The following KRT84 variants were observed in gnomAD, a reference collection of about 807,000 sequenced individuals.
The protein encoded by KRT84 is keratin, type II cuticular Hb4.
Under a neutral mutation model 49.0 loss-of-function variants are expected in KRT84, and 38 were observed. The observed-to-expected ratio is 0.78, with a 90% CI of 0.60 to 1.02. KRT84 has a LOEUF of 1.02. Ranked by LOEUF, KRT84 falls within the 50% of genes least tolerant of loss-of-function variation. KRT84 has a pLI of 0.00. For missense variants in KRT84, 860 were observed against 788.6 expected (o/e 1.09, Z -1.08); for synonymous variants, 334 against 312.8 (o/e 1.07, Z -0.72).
intron 8 of KRT84, among the ~76,000 whole-genome samples, chr12:52,379,393 T>A (rs1939440448): frequency 6.6e-6 from 1 of 152,242 alleles, no homozygotes. Context: ...GGCTGGGTCT[T>A]GCCTTGCCAG....
In KRT84 at chr12:52,378,138, G is replaced by A; in HGVS notation, c.1699C>T (p.Pro567Ser). 1.3e-6 allele frequency: 2 copies of A among 1,563,682 alleles called. No individual in the cohort carries two copies. The highest frequency in any genetic ancestry group is 1.7e-6 in the Non-Finnish European group (2 of 1,157,002). ...CCCCCCTGGGTGGGCAGGGGGCAGG[G>A]GACGCTGGGGACACAGGCCTCGCTG... The part of the protein sequence containing the change: ...LISEACVPSV[P>S]CPLPTQGGFS... The change falls in exon 9 of 9, where the codon CCC becomes TCC. Residue 567 changes from proline to serine, a missense_variant. Physicochemically the swap from Pro to Ser is moderately conservative, Grantham distance 74 (BLOSUM62 -1). Transcript: ENST00000257951.
rs1414935241 is a variant in KRT84, at chr12:52,385,150, G to A, written c.436C>T (p.Leu146=). The change falls in exon 1 of 9, where the codon CTA becomes TTA. Residue 146 remains leucine (L), a synonymous_variant. Coordinates refer to ENST00000257951, the MANE Select transcript of KRT84 (RefSeq NM_033045.4). ...SITAVTVNKS[L]LTPLNLEIDP... ...ATCTCCAGGTTGAGGGGGGTCAGTA[G>A]GCTCTTGTTCACAGTCACAGCTGTG... The A allele has an allele frequency of 6.3e-7, 1 of 1,600,000 alleles. No homozygotes were observed. The highest frequency in any genetic ancestry group is 8.5e-7 in the Non-Finnish European group (1 of 1,172,210).
In KRT84 at chr12:52,382,466, T is replaced by C. The variant is rs554824426; in HGVS notation, c.883A>G (p.Ile295Val). 1.2e-6 allele frequency: 2 copies of C among 1,614,078 alleles called. No individual in the cohort carries two copies. The highest frequency in any genetic ancestry group is 2.2e-5 in the South Asian group (2 of 91,080). Residue 295 changes from isoleucine (I) to valine (V), a missense_variant, in exon 4 of 9, where the codon ATT (isoleucine) becomes GTT (valine). By Grantham distance (29) the Ile-to-Val change is conservative. Transcript: ENST00000257951. ...EANVDTLTQEIDFLKTLYMEE... is the reference protein window; with the variant it reads ...EANVDTLTQEVDFLKTLYMEE... Reference sequence around the variant, plus strand: ...ATGTAAAGCGTTTTTAGAAAGTCAATTTCCTGAGTTAGGGTATCCACGTTG... The same window carrying C: ...ATGTAAAGCGTTTTTAGAAAGTCAACTTCCTGAGTTAGGGTATCCACGTTG...
Position 52,381,434 on chromosome 12 carries a change from G to T in KRT84, c.1004C>A (p.Ala335Asp), listed in dbSNP as rs1289026731. ...CTCCTCATACTGGGCCTTGACCTCA[G>T]CAATGATCCCATCAAGGTTCAGGTC... ...SRDLNLDGII[A>D]EVKAQYEEVA... Residue 335 changes from alanine to aspartate, a missense_variant, in exon 5 of 9, where the codon GCT (alanine) becomes GAT (aspartate). Ala to Asp is a moderately radical substitution (Grantham distance 126). Coordinates refer to ENST00000257951, the MANE Select transcript of KRT84 (RefSeq NM_033045.4). The T allele has an allele frequency of 1.9e-6, 3 of 1,614,020 alleles. No homozygotes were observed. In the South Asian group the frequency reaches 3.3e-5, roughly 18 times the overall value.
intron 1 of KRT84, 72 bp downstream of exon 1, chr12:52,384,968 T>C (rs1248311817): frequency 5.4e-6 from 8 of 1,468,364 alleles, no homozygotes; most frequent in Non-Finnish European, 7.4e-6. Flanking sequence ...CAGTTCTTTT[T>C]AAGGGAAAGA....
Position 52,378,016 on chromosome 12 carries a change from C to T in KRT84, c.*18G>A. The T allele has an allele frequency of 1.4e-6, 2 of 1,426,316 alleles. No individual in the cohort carries two copies. Among genetic ancestry groups the T allele is most frequent in the Non-Finnish European group, 9.2e-7 (1 of 1,087,878 alleles). 88.4% of individuals were successfully genotyped at this position (1,426,316 alleles called of 1,614,324 possible). ...GAGCTGGTTCTTCTCTGGGCAGCAG[C>T]TGTCTGGGGCTGGGCTCTCAGTACT... On this transcript the variant is annotated 3_prime_UTR_variant, in exon 9 of 9. Coordinates refer to ENST00000257951, the MANE Select transcript of KRT84 (RefSeq NM_033045.4).
chr12:52,386,742 G>T (rs1939578473), upstream of KRT84, among the ~76,000 whole-genome samples: 1 of 152,092 alleles, frequency 6.6e-6, no homozygotes, highest in Non-Finnish European at 1.5e-5. Context: ...GGATAGAAAA[G>T]GAAAAGTTCT....
chr12:52,384,953 C>T (rs890844607), intron 1 of KRT84, 87 bp downstream of exon 1: 40 of 1,356,426 alleles, frequency 2.9e-5, no homozygotes, highest in African/African-American at 1.7e-4. Context: ...TCCCCAGAAC[C>T]GGGCCAGTTC....
In KRT84 at chr12:52,381,125, G is replaced by T. The variant is rs1289633711; in HGVS notation, c.1158C>A (p.Arg386=). 2 of 1,613,980 alleles carry T rather than the reference G, an allele frequency of 1.2e-6. No homozygotes were observed. Among genetic ancestry groups the T allele is most frequent in the African/African-American group, 2.7e-5 (2 of 74,894 alleles). ...TCTCTGCCTTAAGCCTCTGGATCAG[G>T]CGGGTCAGTTCGTTGATCTCGTTCC... ...NIRNEINELT[R]LIQRLKAEIE... The change falls in exon 6 of 9, where the codon CGC becomes CGA. Residue 386 remains arginine, a synonymous_variant. Transcript: ENST00000257951.
intron 8 of KRT84, 94 bp downstream of exon 8, chr12:52,379,782 A>T: frequency 9.9e-7 from 1 of 1,014,976 alleles, no homozygotes; most frequent in South Asian, 1.3e-5. Context: ...CAGACCGGCC[A>T]TGTCGGACGC....
At chr12:52,378,654 T>G (rs550321982) in intron 8 of KRT84, among the ~76,000 whole-genome samples, 1 of 152,238 alleles carries the variant, frequency 6.6e-6, no homozygotes, top group Non-Finnish European at 1.5e-5. Context: ...AGGTTGACTG[T>G]CATTTATATA....
Position 52,383,609 on chromosome 12 carries a change from G to A in KRT84, c.736C>T (p.Leu246=), listed in dbSNP as rs989299806. 13 of 1,613,082 alleles carry A rather than the reference G, an allele frequency of 8.1e-6. No homozygotes were observed. In the African/African-American group the frequency reaches 1.5e-4, roughly 18 times the overall value. ...QAERNHLQDV[L]EGFKKKYEEE... ...ACTCACTTCTTCTTGAAGCCCTCTA[G>A]GACATCCTGCAGGTGGTTCCTCTCA... is the stretch of plus-strand genomic sequence containing the variant. The change falls in exon 2 of 9, where the codon CTA becomes TTA. Residue 246 remains leucine, a synonymous_variant. Transcript: ENST00000257951.
rs933317340 is a variant in KRT84 at position 52,378,364 on chromosome 12, C to T, written c.1473G>A (p.Arg491=). ...GCTCAGGCCCGCACACCAGGCCGCC[C>T]CGGGAGCTGCTGACGGCTGCGGAGA... The part of the protein sequence containing the change: ...GPVNISVSSS[R]GGLVCGPEPL... Residue 491 remains arginine (R), a synonymous_variant, in exon 9 of 9, where the codon CGG becomes CGA. Coordinates refer to ENST00000257951, the MANE Select transcript of KRT84 (RefSeq NM_033045.4). The T allele has an allele frequency of 3.4e-6, 5 of 1,468,824 alleles. No individual in the cohort carries two copies. In the Admixed American group the frequency reaches 7.3e-5, roughly 21 times the overall value. The allele number at this position is 1,468,824 out of a possible 1,614,324, so 91.0% of individuals were successfully genotyped here.
intron 5 of KRT84, 22 bp downstream of exon 5, chr12:52,381,339 T>C: frequency 1.9e-6 from 3 of 1,614,050 alleles, no homozygotes; most frequent in Non-Finnish European, 2.5e-6. Flanking sequence ...CCTACATCCC[T>C]TCCCCAGCCT....
chr12:52,382,442 T>A lies in KRT84; in HGVS notation c.907A>T (p.Met303Leu), dbSNP rs750494137. The A allele has an allele frequency of 6.2e-7, 1 of 1,612,132 alleles. No individual in the cohort carries two copies. Among genetic ancestry groups the A allele is most frequent in the Non-Finnish European group, 8.5e-7 (1 of 1,178,124 alleles). The change falls in exon 4 of 9, where the codon ATG (methionine) becomes TTG (leucine). Residue 303 changes from methionine (M) to leucine (L), a missense_variant. Physicochemically the swap from Met to Leu is conservative, Grantham distance 15. Coordinates refer to ENST00000257951, the MANE Select transcript of KRT84 (RefSeq NM_033045.4). ...TAGAGAAGATGAACCCTCACCTCCA[T>A]GTAAAGCGTTTTTAGAAAGTCAATT... ...QEIDFLKTLYMEEIQLLQSHI... is the reference protein window; with the variant it reads ...QEIDFLKTLYLEEIQLLQSHI...
chr12:52,379,180 C>T lies in KRT84; in HGVS notation c.1456+696G>A, dbSNP rs189242238. Among the ~76,000 whole-genome samples the T allele has an allele frequency of 5.9e-5, 9 of 152,332 alleles. No homozygotes were observed. The East Asian group carries it at 1.7e-3, about 29-fold the overall frequency. On this transcript the variant is annotated intron_variant, in intron 8 of 8. Transcript: ENST00000257951. Reference sequence around the variant, plus strand: ...TTTAGCACTCGGTTCCACTACACGTCAGTGTTCATTTGTGTTTTTGGAGTC... The same window carrying T: ...TTTAGCACTCGGTTCCACTACACGTTAGTGTTCATTTGTGTTTTTGGAGTC...
chr12:52,380,656 C>A lies in KRT84; in HGVS notation c.1204-73G>T. The A allele has an allele frequency of 2.1e-6, 3 of 1,430,234 alleles. No individual in the cohort carries two copies. In the South Asian group the frequency reaches 4.0e-5, roughly 19 times the overall value. 88.6% of individuals were successfully genotyped at this position (1,430,234 alleles called of 1,614,324 possible). ...CCCCAGGTTGGGTTAGAAACACGGC[C>A]CCTCTTAGTGGGAACATAGCCTGGG... On this transcript the variant is annotated intron_variant, in intron 6 of 8. Coordinates refer to ENST00000257951, the MANE Select transcript of KRT84 (RefSeq NM_033045.4).
chr12:52,386,382 A>G (rs186170234), upstream of KRT84, among the ~76,000 whole-genome samples: 250 of 140,194 alleles, frequency 1.8e-3, 1 homozygote, highest in African/African-American at 6.8e-3. Context: ...GTAGGGGAAG[A>G]TTTATCTTAA....
In KRT84 at chr12:52,385,527, C is replaced by G. The variant is rs768385572; in HGVS notation, c.59G>C (p.Cys20Ser). The G allele has an allele frequency of 2.5e-6, 4 of 1,614,152 alleles. No homozygotes were observed. The South Asian group carries it at 4.4e-5, about 18-fold the overall frequency. ...SGHRVGNFSSCSAMTPQNLNR... is the reference protein window; with the variant it reads ...SGHRVGNFSSSSAMTPQNLNR... The stretch of plus-strand genomic sequence containing the variant: ...CAGGTTCTGTGGTGTCATTGCTGAA[C>G]AAGAGCTGAAGTTGCCCACCCGGTG... The change falls in exon 1 of 9, where the codon TGT (cysteine) becomes TCT (serine). Residue 20 changes from cysteine to serine, a missense_variant. Cys to Ser is a moderately radical substitution (Grantham distance 112). Coordinates refer to ENST00000257951, the MANE Select transcript of KRT84 (RefSeq NM_033045.4).
Sources: allele counts gnomAD v4.1 joint callset (sites outside exome capture counted in the v4.1 genomes callset), GRCh38; gene constraint gnomAD v4.1.1; transcripts MANE v1.5; gene names NCBI Gene and HGNC (gene_info 2026-07-23, HGNC 2026-07-21).